MYH6: variants seen among roughly 807,000 people sequenced by gnomAD.
The protein encoded by MYH6 is myosin-6.
MYH6 carries 126 observed loss-of-function variants against 223.2 expected under a neutral mutation model. That is an observed-to-expected ratio of 0.56 (90% confidence interval 0.49 to 0.65). The LOEUF is 0.65. MYH6 is among the 30% of genes least tolerant of loss of function. MYH6 has a pLI of 0.00. For synonymous variants in MYH6, 978 were observed against 1,010.2 expected, an observed-to-expected ratio of 0.97 and a Z score of 0.61; for missense variants, 2,040 against 2,536.4, an observed-to-expected ratio of 0.80 and a Z score of 4.20.
At chr14:23,382,166 A>C (rs1890881637) in intron 38 of MYH6, 103 bp from the exon 39 acceptor site, 5 of 1,214,626 alleles carry the variant, frequency 4.1e-6, no homozygotes, top group Non-Finnish European at 6.1e-6. Context: ...ATGCCCTTGG[A>C]GGGAGAGGCA....
chr14:23,402,672 C>A (rs201498674), intron 11 of MYH6, 25 bp downstream of exon 11: 1 of 1,613,450 alleles, frequency 6.2e-7, no homozygotes, highest in Non-Finnish European at 8.5e-7. Flanking sequence ...GTCCCTCGAA[C>A]GGCCGCAGCA....
In MYH6 at chr14:23,394,104, C is replaced by A. The variant is rs1364326476; in HGVS notation, c.2649G>T (p.Leu883=). ...GGAGCTGCAGGTCATTCTTCTCCTG[C>A]AGCAGGGACACCATCTTCTCCTCCA... ...KELEEKMVSL[L]QEKNDLQLQV... Residue 883 remains leucine, a synonymous_variant, in exon 21 of 39, where the codon CTG becomes CTT. Transcript: ENST00000405093. The A allele has an allele frequency of 1.2e-5, 19 of 1,614,208 alleles. No homozygotes were observed. Among genetic ancestry groups the A allele is most frequent in the Non-Finnish European group, 1.6e-5 (19 of 1,180,046 alleles).
Position 23,405,100 on chromosome 14 carries a change from G to A in MYH6, c.530C>T (p.Thr177Met), listed in dbSNP as rs1223199964. 6 of 1,614,058 alleles carry A rather than the reference G, an allele frequency of 3.7e-6. No homozygotes were observed. The highest frequency in any genetic ancestry group is 5.1e-6 in the Non-Finnish European group (6 of 1,180,040). ...CTGTGGGAGGATGGCACTCGCTCAC[G>A]TGATGAGGATGGACTGGTTCTCCCG... ...TDRENQSILITGESGAGKTVN... is the reference protein window; with the variant it reads ...TDRENQSILIMGESGAGKTVN... Residue 177 changes from threonine to methionine, a missense_variant and splice_region_variant, in exon 6 of 39, where the codon ACG becomes ATG. By Grantham distance (81) the Thr-to-Met change is moderately conservative. This residue lies in a region of MYH6 where 4 missense variants were observed against 26.4 expected (regional missense o/e 0.15). Coordinates refer to ENST00000405093, the MANE Select transcript of MYH6 (RefSeq NM_002471.4). This position sits in a 1 kb window ranked among gnomAD's most constrained non-coding sequence, Gnocchi z 4.7.
intron 32 of MYH6, 121 bp downstream of exon 32, chr14:23,387,408 G>A (rs1891062705): frequency 1.3e-6 from 2 of 1,508,290 alleles, no homozygotes; most frequent in South Asian, 2.3e-5. Context: ...GGTAGATAAT[G>A]TTGAACAAAG....
chr14:23,392,719 C>T, intron 24 of MYH6, 67 bp from the exon 25 acceptor site: 1 of 1,480,468 alleles, frequency 6.8e-7, no homozygotes, highest in Non-Finnish European at 9.4e-7. Flanking sequence ...TCATTCTCTT[C>T]TTGGCCTTAG....
In MYH6 at chr14:23,395,493, G is replaced by A. The variant is rs539418081; in HGVS notation, c.2429+791C>T. On this transcript the variant is annotated intron_variant, in intron 20 of 38. Coordinates refer to ENST00000405093, the MANE Select transcript of MYH6 (RefSeq NM_002471.4). ...TGTATAAGAGTTTCTCTGTAGGAAT[G>A]TACTCAGGAGTGGAATGGAGAAGTA... Among the ~76,000 whole-genome samples, 8 of 152,120 alleles carry A rather than the reference G, an allele frequency of 5.3e-5. No homozygotes were observed. The South Asian group carries it at 1.0e-3, about 20-fold the overall frequency.
At position 23,386,062 on chromosome 14, in the gene MYH6, C is replaced by T. The variant is rs1029801287; in HGVS notation, c.5029G>A (p.Glu1677Lys). 3.1e-6 allele frequency: 5 copies of T among 1,614,232 alleles called. No homozygotes were observed. Among genetic ancestry groups the T allele is most frequent in the African/African-American group, 1.3e-5 (1 of 75,050 alleles). ...DDLKENIAIV[E>K]RRNNLLQAEL... ...GCCTGCAGCAGGTTGTTGCGCCGCT[C>T]CACGATGGCGATGTTCTCCTTCAGG... Residue 1677 changes from glutamate (E) to lysine (K), a missense_variant, in exon 34 of 39, where the codon GAG becomes AAG. Physicochemically the swap from Glu to Lys is moderately conservative, Grantham distance 56. Transcript: ENST00000405093.
chr14:23,383,331 GAGGGTGGGA>G lies in MYH6; in HGVS notation c.5566-20_5566-12del. ...TTTGTCTTCCTCTGTCTGGGGGTGGGAGGGTGGGAGAAGCTGGTTTGGAGGGGGAGCAAA... is the reference window on the plus strand; with the variant it reads ...TTTGTCTTCCTCTGTCTGGGGGTGGGGAAGCTGGTTTGGAGGGGGAGCAAA... On this transcript the variant is annotated splice_polypyrimidine_tract_variant and intron_variant, in intron 36 of 38. Coordinates refer to ENST00000405093, the MANE Select transcript of MYH6 (RefSeq NM_002471.4). 2 of 525,250 alleles carry G rather than the reference GAGGGTGGGA, an allele frequency of 3.8e-6. No individual in the cohort carries two copies. The highest frequency in any genetic ancestry group is 7.4e-6 in the Non-Finnish European group (2 of 271,274). 32.5% of individuals were successfully genotyped at this position (525,250 alleles called of 1,614,324 possible). A position where few individuals can be genotyped will look rare whatever the true frequency, so the allele number is the denominator to read the frequency against.
chr14:23,389,499 C>T lies in MYH6; in HGVS notation c.3872G>A (p.Arg1291Gln), dbSNP rs780178869. The T allele has an allele frequency of 3.2e-5, 51 of 1,614,080 alleles. No homozygotes were observed. The highest frequency in any genetic ancestry group is 2.2e-4 in the South Asian group (20 of 91,082). ...KLQTENGELA[R>Q]QLEEKEALIS... ...TAGCGCCTCCTTTTCCTCTAGCTGC[C>T]GGGCCAACTCTCCTGGAGGTGAAAT... The change falls in exon 28 of 39, where the codon CGG (arginine) becomes CAG (glutamine). Residue 1291 changes from arginine (R) to glutamine (Q), a missense_variant. Transcript: ENST00000405093.
At chr14:23,399,759 C>G in intron 14 of MYH6, 1 of 195,470 alleles carries the variant, frequency 5.1e-6, no homozygotes, top group Non-Finnish European at 1.1e-5. Context: ...GTGGGTCAGA[C>G]AATCCGGGCT....
chr14:23,400,794 G>A lies in MYH6; in HGVS notation c.1325C>T (p.Thr442Met), dbSNP rs757040426. The change falls in exon 13 of 39, where the codon ACG (threonine) becomes ATG (methionine). Residue 442 changes from threonine (T) to methionine (M), a missense_variant. By Grantham distance (81) the Thr-to-Met change is moderately conservative. This residue lies in a region of MYH6 where 649 missense variants were observed against 877.3 expected (regional missense o/e 0.74). Coordinates refer to ENST00000405093, the MANE Select transcript of MYH6 (RefSeq NM_002471.4). The part of the protein sequence containing the change: ...VYEKMFNWMV[T>M]RINATLETKQ... ...GGTCTCCAGGGTGGCGTTGATGCGC[G>A]TCACCATCCAGTTGAACATCTTCTC... 1.4e-5 allele frequency: 23 copies of A among 1,614,208 alleles called. No homozygotes were observed. The highest frequency in any genetic ancestry group is 1.6e-4 in the Middle Eastern group (1 of 6,062).
At chr14:23,395,157 G>C (rs139860697) in intron 20 of MYH6, among the ~76,000 whole-genome samples, 1 of 152,348 alleles carries the variant, frequency 6.6e-6, no homozygotes, top group East Asian at 1.9e-4. Flanking sequence ...AAGCCACTGT[G>C]CCCAGCCATA....
rs779949089 is a variant in MYH6, at chr14:23,397,571, G to A, written c.1934C>T (p.Ser645Phe). ...KSKGGKKKGSSFQTVSALHRE... is the reference protein window; with the variant it reads ...KSKGGKKKGSFFQTVSALHRE... ...GTGGAGAGCCGACACCGTCTGGAAG[G>A]ATGAGCCCTTTTTCTTGCCTCCTTT... Residue 645 changes from serine (S) to phenylalanine (F), a missense_variant, in exon 16 of 39, where the codon TCC (serine) becomes TTC (phenylalanine). Coordinates refer to ENST00000405093, the MANE Select transcript of MYH6 (RefSeq NM_002471.4). 1.1e-5 allele frequency: 18 copies of A among 1,614,220 alleles called. No homozygotes were observed. Among genetic ancestry groups the A allele is most frequent in the Non-Finnish European group, 1.2e-5 (14 of 1,180,050 alleles).
In MYH6 at chr14:23,404,391, A is replaced by G. The variant is rs113552091; in HGVS notation, c.643-3T>C. 2 of 1,614,164 alleles carry G rather than the reference A, an allele frequency of 1.2e-6. No individual in the cohort carries two copies. The highest frequency in any genetic ancestry group is 1.7e-6 in the Non-Finnish European group (2 of 1,179,998). On this transcript the variant is annotated splice_region_variant and splice_polypyrimidine_tract_variant and intron_variant, in intron 7 of 38. Transcript: ENST00000405093. The stretch of plus-strand genomic sequence containing the variant: ...ATGATCTGGTCCTCCAGGGTGCCCT[A>G]TGAAAGGAGCAGAACTGCATGGGTT...
At position 23,392,622 on chromosome 14, in the gene MYH6, A is replaced by C. The variant is rs751333990; in HGVS notation, c.3282T>G (p.Ser1094Arg). 8 of 1,452,920 alleles carry C rather than the reference A, an allele frequency of 5.5e-6. No individual in the cohort carries two copies. The highest frequency in any genetic ancestry group is 7.5e-6 in the Non-Finnish European group (8 of 1,072,202). 90.0% of individuals were successfully genotyped at this position (1,452,920 alleles called of 1,614,324 possible). ...KKEFDINQQN[S>R]KIEDEQVLAL... ...CCAGCACCTGCTCATCCTCAATCTT[A>C]CTGTTCTGCTGATTAATGTCAAACT... Residue 1094 changes from serine to arginine, a missense_variant, in exon 25 of 39, where the codon AGT becomes AGG. Coordinates refer to ENST00000405093, the MANE Select transcript of MYH6 (RefSeq NM_002471.4).
chr14:23,391,291 G>C (rs1891230649), intron 25 of MYH6, among the ~76,000 whole-genome samples: 2 of 152,218 alleles, frequency 1.3e-5, no homozygotes, highest in African/African-American at 4.8e-5. Context: ...CCATGCCTCT[G>C]CTCCCAGGAT....
intron 6 of MYH6, 131 bp from the exon 7 acceptor site, chr14:23,404,953 C>T (rs919509937): frequency 2.0e-6 from 3 of 1,494,564 alleles, no homozygotes; most frequent in Non-Finnish European, 2.8e-6. Context: ...TGACATGGTT[C>T]ATTGCTCTGG....
intron 36 of MYH6, among the ~76,000 whole-genome samples, chr14:23,383,547 G>A (rs1890925780): frequency 6.6e-6 from 1 of 152,162 alleles, no homozygotes; most frequent in Non-Finnish European, 1.5e-5. Flanking sequence ...AAGTCATAAA[G>A]CTAGAAGTAG....
chr14:23,406,771 C>T (rs753097859), intron 3 of MYH6, among the ~76,000 whole-genome samples: 8 of 152,304 alleles, frequency 5.3e-5, no homozygotes, highest in Admixed American at 1.3e-4. Flanking sequence ...CCCTCTTAGG[C>T]GAACACTGAG....
Sources: gnomAD v4.1 joint callset for allele counts (sites outside exome capture counted in the v4.1 genomes callset) on GRCh38, gnomAD v4.1.1 for gene constraint, gnomAD v4.1.1 regional missense constraint, Gnocchi (gnomAD v3.1) non-coding constraint, MANE v1.5 for transcripts, NCBI Gene and HGNC (gene_info 2026-07-23, HGNC 2026-07-21) for gene names.